PIP5K1C: variants seen among roughly 807,000 people sequenced by gnomAD.
The protein encoded by PIP5K1C is phosphatidylinositol 4-phosphate 5-kinase type-1 gamma.
In PIP5K1C, 45 loss-of-function variants were observed where a neutral mutation model predicts 80.1. The ratio of observed to expected loss-of-function variants is 0.56; its 90% confidence interval spans 0.44 to 0.72. The LOEUF is 0.72. PIP5K1C is among the 30% of genes least tolerant of loss of function. PIP5K1C has a pLI of 0.00. For missense variants in PIP5K1C, 753 were observed against 954.6 expected, an observed-to-expected ratio of 0.79 and a Z score of 2.78; for synonymous variants, 498 against 420.1, an observed-to-expected ratio of 1.19 and a Z score of -2.27.
chr19:3,675,957 G>C (rs2035343900), intron 1 of PIP5K1C, among the ~76,000 whole-genome samples: 1 of 152,202 alleles, frequency 6.6e-6, no homozygotes, highest in Admixed American at 6.5e-5. Flanking sequence ...TAAACCCTTG[G>C]GTGAGATGTT....
At chr19:3,646,256 G>C (rs930870829) in intron 10 of PIP5K1C, among the ~76,000 whole-genome samples, 198 bp from the exon 11 acceptor site, 2 of 152,166 alleles carry the variant, frequency 1.3e-5, no homozygotes, top group Non-Finnish European at 2.9e-5. Context: ...AGGGAGACTG[G>C]GTGCCAGGGA....
intron 5 of PIP5K1C, among the ~76,000 whole-genome samples, chr19:3,657,078 A>C (rs1297991992): frequency 6.6e-6 from 1 of 152,096 alleles, no homozygotes; most frequent in Non-Finnish European, 1.5e-5. Context: ...ACTGGACTAG[A>C]AGGTAAGCTC....
intron 1 of PIP5K1C, among the ~76,000 whole-genome samples, chr19:3,693,159 C>T (rs878898716): frequency 1.3e-5 from 2 of 152,186 alleles, no homozygotes; most frequent in Non-Finnish European, 2.9e-5. Flanking sequence ...CACCCGGCCA[C>T]AGCACACGCA....
chr19:3,659,905 TC>T (rs2034774274), intron 5 of PIP5K1C, among the ~76,000 whole-genome samples: 1 of 152,024 alleles, frequency 6.6e-6, no homozygotes, highest in Non-Finnish European at 1.5e-5. Flanking sequence ...AACCACAGGC[TC>T]CCGGCCCCGG....
At chr19:3,638,028 T>C in intron 16 of PIP5K1C, 1 of 1,489,840 alleles carries the variant, frequency 6.7e-7, no homozygotes. Flanking sequence ...GCAGGGGAGT[T>C]AGTTATGAAG....
At chr19:3,659,434 T>C (rs1005463732) in intron 5 of PIP5K1C, among the ~76,000 whole-genome samples, 2 of 152,236 alleles carry the variant, frequency 1.3e-5, no homozygotes, top group African/African-American at 4.8e-5. Context: ...GAGACCCAGA[T>C]GGCCCCAGAT....
intron 15 of PIP5K1C, among the ~76,000 whole-genome samples, chr19:3,640,413 G>A (rs1391062825): frequency 6.6e-6 from 1 of 152,136 alleles, no homozygotes; most frequent in Non-Finnish European, 1.5e-5. Flanking sequence ...CTACTCGGGA[G>A]GCTGAGGCAA....
intron 11 of PIP5K1C, 150 bp from the exon 12 acceptor site, chr19:3,644,401 T>C (rs766490275): frequency 1.1e-5 from 9 of 784,882 alleles, no homozygotes; most frequent in Non-Finnish European, 1.8e-5. Flanking sequence ...AACCTCTTGG[T>C]GGAAAACCGG....
chr19:3,672,043 C>T (rs2145533457), intron 1 of PIP5K1C, among the ~76,000 whole-genome samples: 2 of 152,330 alleles, frequency 1.3e-5, no homozygotes, highest in Middle Eastern at 6.8e-3. Context: ...GCCCCTCTCT[C>T]CTGGCCCCAT....
rs946668603 is a variant in PIP5K1C, at chr19:3,692,340, G to A, written c.94+7957C>T. 6.6e-6 allele frequency among the ~76,000 whole-genome samples: 1 copy of A among 152,070 alleles called. No individual in the cohort carries two copies. Among genetic ancestry groups the A allele is most frequent in the South Asian group, 2.1e-4 (1 of 4,828 alleles). ...GCCGGCTCCCACCACGGCCCCCAACGCTCCCTACAGGGGCTCCTGGGGCCT... is the reference window on the plus strand; with the variant it reads ...GCCGGCTCCCACCACGGCCCCCAACACTCCCTACAGGGGCTCCTGGGGCCT... On this transcript the variant is annotated intron_variant, in intron 1 of 17. Transcript: ENST00000335312. The surrounding 1 kb of genome is among the most constrained non-coding windows in gnomAD (Gnocchi z 5.2).
rs551640922 is a variant in PIP5K1C at position 3,688,114 on chromosome 19, C to A, written c.94+12183G>T. 1.2e-4 allele frequency among the ~76,000 whole-genome samples: 19 copies of A among 152,264 alleles called. No homozygotes were observed. The East Asian group carries it at 3.7e-3, about 30-fold the overall frequency. On this transcript the variant is annotated intron_variant, in intron 1 of 17. Coordinates refer to ENST00000335312, the MANE Select transcript of PIP5K1C (RefSeq NM_012398.3). This position sits in a 1 kb window ranked among gnomAD's most constrained non-coding sequence, Gnocchi z 5.3. Reference sequence around the variant, plus strand: ...CCGGCCCGTGCGGGCTGCGGGAGATCCTGATGGGCCCCGAGCTGAGGCTCC... The same window carrying A: ...CCGGCCCGTGCGGGCTGCGGGAGATACTGATGGGCCCCGAGCTGAGGCTCC...
chr19:3,652,104 G>A, intron 7 of PIP5K1C, 73 bp from the exon 8 acceptor site: 2 of 1,464,604 alleles, frequency 1.4e-6, no homozygotes, highest in Non-Finnish European at 1.9e-6. Context: ...CGGACCCTAT[G>A]GGGTTCCCAG....
chr19:3,682,592 G>A (rs1003037336), intron 1 of PIP5K1C, among the ~76,000 whole-genome samples: 48 of 152,102 alleles, frequency 3.2e-4, no homozygotes, highest in South Asian at 2.1e-4. Context: ...GGGAGGCTGC[G>A]GTGGGAAGAC....
At position 3,637,092 on chromosome 19, in the gene PIP5K1C, C is replaced by T. The variant is rs2033718397; in HGVS notation, c.1920+1792G>A. ...CTCCATGGCCCTGCGGTTCAGAGCC[C>T]GGCCCTGCAGCCACTCTGCTGACCT... On this transcript the variant is annotated intron_variant, in intron 16 of 17. Transcript: ENST00000335312. The surrounding 1 kb of genome is among the most constrained non-coding windows in gnomAD (Gnocchi z 7.0). The T allele has an allele frequency of 1.6e-5, 20 of 1,281,778 alleles. No individual in the cohort carries two copies. Among genetic ancestry groups the T allele is most frequent in the Non-Finnish European group, 1.9e-5 (19 of 1,009,358 alleles). 79.4% of individuals were successfully genotyped at this position (1,281,778 alleles called of 1,614,324 possible). A position where few individuals can be genotyped will look rare whatever the true frequency, so the allele number is the denominator to read the frequency against.
In PIP5K1C at chr19:3,682,567, T is replaced by C. The variant is rs140250959; in HGVS notation, c.95-15214A>G. On this transcript the variant is annotated intron_variant, in intron 1 of 17. Coordinates refer to ENST00000335312, the MANE Select transcript of PIP5K1C (RefSeq NM_012398.3). ...TATCTGGCGTGGTGACGTGTGCCTG[T>C]AGTCCCGGCTACTCGGGAGGCTGCG... Among the ~76,000 whole-genome samples the C allele has an allele frequency of 1.2e-3, 189 of 152,160 alleles. 1 individual carries two copies. Among genetic ancestry groups the C allele is most frequent in the African/African-American group, 4.3e-3 (180 of 41,504 alleles).
Position 3,648,532 on chromosome 19 carries a change from GCGCCCACC to G in PIP5K1C, c.1211+85_1211+92del. ...CCCACCTGTGGGGCTGCAGACCCGG[GCGCCCACC>G]TGTGGGGCTGCAGACCCGGGCGCCC... On this transcript the variant is annotated intron_variant, in intron 9 of 17. Transcript: ENST00000335312. This position sits in a 1 kb window ranked among gnomAD's most constrained non-coding sequence, Gnocchi z 4.3. The G allele has an allele frequency of 3.1e-6, 3 of 962,144 alleles. 1 individual carries two copies. Among genetic ancestry groups the G allele is most frequent in the South Asian group, 2.6e-5 (2 of 76,886 alleles). 59.6% of individuals were successfully genotyped at this position (962,144 alleles called of 1,614,324 possible).
At chr19:3,655,829 G>C (rs2034602948) in intron 6 of PIP5K1C, among the ~76,000 whole-genome samples, 1 of 152,206 alleles carries the variant, frequency 6.6e-6, no homozygotes, top group African/African-American at 2.4e-5. Context: ...GCGAGTACCG[G>C]AATCCCAGGC....
At chr19:3,675,428 C>G (rs553861522) in intron 1 of PIP5K1C, among the ~76,000 whole-genome samples, 21 of 152,202 alleles carry the variant, frequency 1.4e-4, no homozygotes, top group African/African-American at 4.8e-4. Context: ...GGCAGCCAGT[C>G]TGCTGCAGGC....
Position 3,696,194 on chromosome 19 carries a change from C to T in PIP5K1C, c.94+4103G>A, listed in dbSNP as rs1233366739. Among the ~76,000 whole-genome samples, 1 of 152,230 alleles carries T rather than the reference C, an allele frequency of 6.6e-6. No individual in the cohort carries two copies. The highest frequency in any genetic ancestry group is 1.5e-5 in the Non-Finnish European group (1 of 68,038). ...CTGCCCAATGCCCACAGGTCTCCCT[C>T]GGATGCCACCTTCTTGGCAAGGCCT... On this transcript the variant is annotated intron_variant, in intron 1 of 17. Coordinates refer to ENST00000335312, the MANE Select transcript of PIP5K1C (RefSeq NM_012398.3). The surrounding 1 kb of genome is among the most constrained non-coding windows in gnomAD (Gnocchi z 4.1).
Sources: gnomAD v4.1 joint callset for allele counts (sites outside exome capture counted in the v4.1 genomes callset) on GRCh38, gnomAD v4.1.1 for gene constraint, Gnocchi (gnomAD v3.1) non-coding constraint, MANE v1.5 for transcripts, NCBI Gene and HGNC (gene_info 2026-07-23, HGNC 2026-07-21) for gene names.